Variants in PTPMT1 observed in about 807,000 individuals in gnomAD.
PTPMT1 encodes phosphatidylglycerophosphatase and protein-tyrosine phosphatase 1.
A neutral mutation model predicts 17.8 loss-of-function variants in PTPMT1; 12 were observed. That is an observed-to-expected ratio of 0.67 (90% CI 0.43 to 1.09). PTPMT1 has a LOEUF of 1.09. PTPMT1 is among the 50% of genes least tolerant of loss of function. PTPMT1 has a pLI of 0.00. For synonymous variants in PTPMT1, 132 were observed against 116.8 expected (o/e 1.13, Z -0.84); for missense variants, 262 against 266.0 (o/e 0.99, Z 0.10).
chr11:47,572,864 C>T lies in PTPMT1; in HGVS notation c.*1235C>T. Reference sequence around the variant, plus strand: ...AAAAACATAACTCTGAATTGGGGCCCAGGGGACTTTGAGTTTGTATGGGGA... The same window carrying T: ...AAAAACATAACTCTGAATTGGGGCCTAGGGGACTTTGAGTTTGTATGGGGA... On this transcript the variant is annotated 3_prime_UTR_variant, in exon 4 of 4. Coordinates refer to ENST00000326674, the MANE Select transcript of PTPMT1 (RefSeq NM_175732.3). 1 of 1,529,976 alleles carries T rather than the reference C, an allele frequency of 6.5e-7. No individual in the cohort carries two copies. The highest frequency in any genetic ancestry group is 8.9e-7 in the Non-Finnish European group (1 of 1,129,568). The allele number at this position is 1,529,976 out of a possible 1,614,324, so 94.8% of individuals were successfully genotyped here. A position where few individuals can be genotyped will look rare whatever the true frequency, so the allele number is the denominator to read the frequency against.
rs1598782519 is a variant in PTPMT1 at position 47,571,561 on chromosome 11, A to G, written c.538A>G (p.Lys180Glu). Residue 180 changes from lysine to glutamate, a missense_variant, in exon 4 of 4, where the codon AAA (lysine) becomes GAA (glutamate). By Grantham distance (56) the Lys-to-Glu change is moderately conservative. Coordinates refer to ENST00000326674, the MANE Select transcript of PTPMT1 (RefSeq NM_175732.3). ...HIRPGQLDVLKEFHKQITARA... is the reference protein window; with the variant it reads ...HIRPGQLDVLEEFHKQITARA... ...CAGGCCTGGCCAGCTGGATGTTCTT[A>G]AAGAGTTCCACAAGCAGATTACTGC... 18 of 1,613,906 alleles carry G rather than the reference A, an allele frequency of 1.1e-5. No individual in the cohort carries two copies. Among genetic ancestry groups the G allele is most frequent in the Non-Finnish European group, 1.4e-5 (16 of 1,179,960 alleles).
At chr11:47,566,489 CAA>C (rs56146877) in intron 2 of PTPMT1, among the ~76,000 whole-genome samples, 53 of 120,488 alleles carry the variant, frequency 4.4e-4, no homozygotes, top group Admixed American at 6.3e-4. Context: ...AACAATGTCT[CAA>C]AAAAAAAAAA....
intron 2 of PTPMT1, among the ~76,000 whole-genome samples, chr11:47,566,580 C>G (rs893490688): frequency 6.6e-6 from 1 of 151,442 alleles, no homozygotes; most frequent in Non-Finnish European, 1.5e-5. Flanking sequence ...TAACCAAAAT[C>G]AGAAACTAAA....
In PTPMT1 at chr11:47,571,984, G is replaced by C. The variant is rs1490156003; in HGVS notation, c.*355G>C. The C allele has an allele frequency of 5.9e-6, 1 of 169,558 alleles. No homozygotes were observed. The highest frequency in any genetic ancestry group is 1.3e-5 in the Non-Finnish European group (1 of 79,114). The allele number at this position is 169,558 out of a possible 1,614,324, so 10.5% of individuals were successfully genotyped here. ...AAAAAACATTTAGCACTTGAAAAAA[G>C]GAGACTCACCTCTGGCTCTTTGCCA... On this transcript the variant is annotated 3_prime_UTR_variant, in exon 4 of 4. Coordinates refer to ENST00000326674, the MANE Select transcript of PTPMT1 (RefSeq NM_175732.3).
intron 3 of PTPMT1, 27 bp downstream of exon 3, chr11:47,569,918 A>C (rs762738792): frequency 6.3e-7 from 1 of 1,578,984 alleles, no homozygotes; most frequent in Non-Finnish European, 8.7e-7. Context: ...TGGGCTGGGC[A>C]TCGTGGTACA....
At chr11:47,567,432 C>T (rs2097246564) in intron 2 of PTPMT1, among the ~76,000 whole-genome samples, 1 of 151,572 alleles carries the variant, frequency 6.6e-6, no homozygotes, top group Admixed American at 6.6e-5. Context: ...TACTGATCTT[C>T]ATTTAGAACC....
chr11:47,570,482 T>C (rs1329869182), intron 3 of PTPMT1, among the ~76,000 whole-genome samples: 2 of 152,210 alleles, frequency 1.3e-5, no homozygotes, highest in Non-Finnish European at 2.9e-5. Flanking sequence ...TGCTGGCCTA[T>C]AGCGGGCACT....
In PTPMT1 at chr11:47,571,877, T is replaced by C. The variant is rs1345436228; in HGVS notation, c.*248T>C. 3 of 394,532 alleles carry C rather than the reference T, an allele frequency of 7.6e-6. No homozygotes were observed. The highest frequency in any genetic ancestry group is 4.7e-5 in the South Asian group (1 of 21,372). 24.4% of individuals were successfully genotyped at this position (394,532 alleles called of 1,614,324 possible). On this transcript the variant is annotated 3_prime_UTR_variant, in exon 4 of 4. Transcript: ENST00000326674. ...ACAGGGATGGGGCTATCATCTTTTC[T>C]TGAATAGGGCTAAAGAAGTATTTTA...
intron 2 of PTPMT1, 39 bp downstream of exon 2, chr11:47,566,025 TC>T (rs58926533): frequency 1 from 1,513,070 of 1,513,088 alleles, 756,526 homozygotes; most frequent in Middle Eastern, 1. Flanking sequence ...GGGGGCCCGC[TC>T]CCCCTCGCCC....
intron 3 of PTPMT1, among the ~76,000 whole-genome samples, chr11:47,570,350 G>A (rs868448002): frequency 2.6e-4 from 39 of 152,326 alleles, no homozygotes; most frequent in African/African-American, 8.7e-4. Flanking sequence ...TGAGCCTTGT[G>A]ACAGGGTAAC....
At position 47,573,295 on chromosome 11, in the gene PTPMT1, G is replaced by A; in HGVS notation, c.*1666G>A. 15 of 1,614,128 alleles carry A rather than the reference G, an allele frequency of 9.3e-6. No individual in the cohort carries two copies. The highest frequency in any genetic ancestry group is 2.2e-5 in the East Asian group (1 of 44,880). On this transcript the variant is annotated 3_prime_UTR_variant, in exon 4 of 4. Coordinates refer to ENST00000326674, the MANE Select transcript of PTPMT1 (RefSeq NM_175732.3). This position sits in a 1 kb window ranked among gnomAD's most constrained non-coding sequence, Gnocchi z 4.1. ...TCTGTGTCAAAGCACTGGATGAGTC[G>A]GGAAGGTTTGGTAAAGAAGTCCAGA...
rs2097249845 is a variant in PTPMT1 at position 47,571,727 on chromosome 11, C to G, written c.*98C>G. 4 of 1,130,264 alleles carry G rather than the reference C, an allele frequency of 3.5e-6. No individual in the cohort carries two copies. The East Asian group carries it at 9.5e-5, about 27-fold the overall frequency. 70.0% of individuals were successfully genotyped at this position (1,130,264 alleles called of 1,614,324 possible). A position where few individuals can be genotyped will look rare whatever the true frequency, so the allele number is the denominator to read the frequency against. On this transcript the variant is annotated 3_prime_UTR_variant, in exon 4 of 4. Transcript: ENST00000326674. ...GGGCTTAAGCCCAGACTTGACGTAACAGAAATGTGCCAATAGGTAATAGGT... is the reference window on the plus strand; with the variant it reads ...GGGCTTAAGCCCAGACTTGACGTAAGAGAAATGTGCCAATAGGTAATAGGT...
Position 47,573,072 on chromosome 11 carries a change from C to G in PTPMT1, c.*1443C>G. ...CCGGAAGACATAGATGCTCCCGTTA[C>G]AGCTGGCAATCTTCCAGAGGGATGG... On this transcript the variant is annotated 3_prime_UTR_variant, in exon 4 of 4. Coordinates refer to ENST00000326674, the MANE Select transcript of PTPMT1 (RefSeq NM_175732.3). The surrounding 1 kb of genome is among the most constrained non-coding windows in gnomAD (Gnocchi z 4.1). 6.2e-7 allele frequency: 1 copy of G among 1,614,220 alleles called. No individual in the cohort carries two copies. The highest frequency in any genetic ancestry group is 8.5e-7 in the Non-Finnish European group (1 of 1,180,042).
In PTPMT1 at chr11:47,572,574, A is replaced by C. The variant is rs565904578; in HGVS notation, c.*945A>C. ...CTATAGAACAAAAGTACAATTGGGC[A>C]TCTTTCCTTATGTCCTGGGATCAGG... On this transcript the variant is annotated 3_prime_UTR_variant, in exon 4 of 4. Coordinates refer to ENST00000326674, the MANE Select transcript of PTPMT1 (RefSeq NM_175732.3). 192 of 230,068 alleles carry C rather than the reference A, an allele frequency of 8.3e-4. No individual in the cohort carries two copies. The highest frequency in any genetic ancestry group is 6.9e-3 in the Admixed American group (138 of 20,020). 14.3% of individuals were successfully genotyped at this position (230,068 alleles called of 1,614,324 possible). A position where few individuals can be genotyped will look rare whatever the true frequency, so the allele number is the denominator to read the frequency against.
chr11:47,573,240 A>AT lies in PTPMT1; in HGVS notation c.*1611_*1612insT, dbSNP rs750736978. ...GTGCATGCGGCCTGCAAAGGGCAGC[A>AT]CATAGGGCTTCACATGGCATTTGTC... is the stretch of plus-strand genomic sequence containing the variant. On this transcript the variant is annotated 3_prime_UTR_variant, in exon 4 of 4. Transcript: ENST00000326674. This position sits in a 1 kb window ranked among gnomAD's most constrained non-coding sequence, Gnocchi z 4.1. 1.2e-6 allele frequency: 2 copies of AT among 1,614,206 alleles called. No individual in the cohort carries two copies. Among genetic ancestry groups the AT allele is most frequent in the Admixed American group, 3.3e-5 (2 of 60,022 alleles).
At position 47,565,769 on chromosome 11, in the gene PTPMT1, G is replaced by T; in HGVS notation, c.147G>T (p.Ala49=). 6.3e-7 allele frequency: 1 copy of T among 1,593,246 alleles called. No homozygotes were observed. The highest frequency in any genetic ancestry group is 1.1e-5 in the South Asian group (1 of 88,146). The change falls in exon 1 of 4, where the codon GCG becomes GCT. Residue 49 remains alanine, a synonymous_variant. Transcript: ENST00000326674. ...TCGACCCCACCGTGCTGCTGGGCGC[G>T]CTGCCGTTGCGGAGCTTGACGCGCC... ...HRIDPTVLLG[A]LPLRSLTRQL...
rs2097251298 is a variant in PTPMT1 at position 47,572,684 on chromosome 11, T to C, written c.*1055T>C. On this transcript the variant is annotated 3_prime_UTR_variant, in exon 4 of 4. Transcript: ENST00000326674. ...AAGGCTTGCTCTAAGCAAGCTGTGG[T>C]GAGGCACAGGATGACTAGGGAATGG... is the stretch of plus-strand genomic sequence containing the variant. The C allele has an allele frequency of 3.7e-6, 2 of 536,170 alleles. No homozygotes were observed. The highest frequency in any genetic ancestry group is 3.3e-6 in the Non-Finnish European group (1 of 301,978). 33.2% of individuals were successfully genotyped at this position (536,170 alleles called of 1,614,324 possible).
In PTPMT1 at chr11:47,571,600, G is replaced by A. The variant is rs1212891842; in HGVS notation, c.577G>A (p.Asp193Asn). 6.2e-7 allele frequency: 1 copy of A among 1,614,030 alleles called. No homozygotes were observed. The highest frequency in any genetic ancestry group is 8.5e-7 in the Non-Finnish European group (1 of 1,180,034). Residue 193 changes from aspartate (D) to asparagine (N), a missense_variant, in exon 4 of 4, where the codon GAT (aspartate) becomes AAT (asparagine). By Grantham distance (23) the Asp-to-Asn change is conservative. Coordinates refer to ENST00000326674, the MANE Select transcript of PTPMT1 (RefSeq NM_175732.3). ...GCAGATTACTGCACGGGCAACAAAG[G>A]ATGGGACTTTTGTCATTTCAAAGAC... is the stretch of plus-strand genomic sequence containing the variant. ...HKQITARATKDGTFVISKT is the reference protein window; with the variant it reads ...HKQITARATKNGTFVISKT
chr11:47,566,533 C>A (rs985233797), intron 2 of PTPMT1, among the ~76,000 whole-genome samples: 3 of 148,790 alleles, frequency 2.0e-5, no homozygotes, highest in Admixed American at 6.7e-5. Context: ...AGCCTGATTT[C>A]TCCTTTGTGA....
Sources: allele counts gnomAD v4.1 joint callset (sites outside exome capture counted in the v4.1 genomes callset), GRCh38; gene constraint gnomAD v4.1.1; non-coding constraint Gnocchi (gnomAD v3.1); transcripts MANE v1.5; gene names NCBI Gene and HGNC (gene_info 2026-07-23, HGNC 2026-07-21).